Variants in NOD2 observed in about 807,000 individuals in gnomAD.
NOD2 encodes nucleotide-binding oligomerization domain-containing protein 2.
A neutral mutation model predicts 90.9 loss-of-function variants in NOD2; 86 were observed. The ratio of observed to expected loss-of-function variants is 0.95; its 90% CI spans 0.79 to 1.13. The LOEUF (loss-of-function observed/expected upper bound fraction) is 1.13, where lower values mean the gene tolerates loss of function less well. Ranked by LOEUF, NOD2 falls within the 50% of genes most tolerant of loss-of-function variation. The pLI, the probability that NOD2 is intolerant of heterozygous loss-of-function variation, is 0.00. For synonymous variants in NOD2, 581 were observed against 554.6 expected (o/e 1.05, Z -0.67); for missense variants, 1,238 against 1,283.8 (o/e 0.96, Z 0.55).
At chr16:50,705,539 G>A (rs62027635) in intron 2 of NOD2, among the ~76,000 whole-genome samples, 29,628 of 152,092 alleles carry the variant, frequency 0.19, 3,728 homozygotes, top group Non-Finnish European at 0.29. Context: ...TTTAGATCTC[G>A]CCTCCTGGGT....
At chr16:50,710,084 C>T (rs929646023) in intron 3 of NOD2, 53 of 451,270 alleles carry the variant, frequency 1.2e-4, no homozygotes, top group South Asian at 8.1e-4. Flanking sequence ...GAAAAAGTCA[C>T]CTGAGGCTGA....
At chr16:50,725,716 A>G in intron 10 of NOD2, 144 bp downstream of exon 10, 2 of 712,892 alleles carry the variant, frequency 2.8e-6, no homozygotes, top group Non-Finnish European at 2.6e-6. Flanking sequence ...TAGGTGGACA[A>G]GGATTCCAGT....
At chr16:50,730,412 C>G (rs1286709618) in intron 11 of NOD2, among the ~76,000 whole-genome samples, 1 of 152,190 alleles carries the variant, frequency 6.6e-6, no homozygotes, top group East Asian at 1.9e-4. Flanking sequence ...AATGACTAGC[C>G]TTGGGAGTCT....
intron 11 of NOD2, among the ~76,000 whole-genome samples, chr16:50,730,755 A>G (rs936115072): frequency 6.6e-6 from 1 of 152,352 alleles, no homozygotes; most frequent in Admixed American, 6.5e-5. Flanking sequence ...GGCTGACTGC[A>G]GATCCACCAA....
chr16:50,702,742 G>T (rs1272832118), intron 2 of NOD2, among the ~76,000 whole-genome samples: 1 of 152,070 alleles, frequency 6.6e-6, no homozygotes, highest in Non-Finnish European at 1.5e-5. Flanking sequence ...GCCTCACAAG[G>T]GTATAGTGTG....
chr16:50,699,759 G>C lies in NOD2; in HGVS notation c.264G>C (p.Gln88His). The change falls in exon 2 of 12, where the codon CAG (glutamine) becomes CAC (histidine). Residue 88 changes from glutamine (Q) to histidine (H), a missense_variant. By Grantham distance (24) the Gln-to-His change is conservative. Around this residue, in one of 3 missense-constraint regions of NOD2, gnomAD observed 567 missense variants for 577.3 expected, o/e 0.98. Coordinates refer to ENST00000647318, the MANE Select transcript of NOD2 (RefSeq NM_001370466.1). ...CCCAAGAAGCCCAGGCCGACAGCCA[G>C]TCCCCCAAGCTGCATGGCTGCTGGG... ...AAAQEAQADS[Q>H]SPKLHGCWDP... is the part of the protein sequence containing the mutation. 1.9e-6 allele frequency: 3 copies of C among 1,613,940 alleles called. No individual in the cohort carries two copies. The highest frequency in any genetic ancestry group is 2.5e-6 in the Non-Finnish European group (3 of 1,180,034).
In NOD2 at chr16:50,699,945, G is replaced by T. The variant is rs775281342; in HGVS notation, c.450G>T (p.Pro150=). ...CDEIRLPIFT[P]SQRARRLLDL... ...AAATCAGGTTGCCGATCTTCACACC[G>T]TCCCAGAGGGTGAGGCACTCCTGGT... The change falls in exon 2 of 12, where the codon CCG becomes CCT. Residue 150 remains proline, a synonymous_variant. Coordinates refer to ENST00000647318, the MANE Select transcript of NOD2 (RefSeq NM_001370466.1). 2 of 1,606,144 alleles carry T rather than the reference G, an allele frequency of 1.2e-6. No individual in the cohort carries two copies. Among genetic ancestry groups the T allele is most frequent in the African/African-American group, 2.7e-5 (2 of 74,900 alleles).
rs780243828 is a variant in NOD2 at position 50,712,159 on chromosome 16, C to G, written c.2167C>G (p.Gln723Glu). ...IWLIRSLYEM[Q>E]EERLARKAAR... ...GCTCATCCGGAGCCTGTACGAGATG[C>G]AGGAGGAGCGGCTGGCTCGGAAGGC... Residue 723 changes from glutamine (Q) to glutamate (E), a missense_variant, in exon 4 of 12, where the codon CAG (glutamine) becomes GAG (glutamate). Physicochemically the swap from Gln to Glu is conservative, Grantham distance 29. This residue lies in a region of NOD2 where 667 missense variants were observed against 688.7 expected (regional missense o/e 0.97). Transcript: ENST00000647318. The G allele has an allele frequency of 6.2e-7, 1 of 1,614,050 alleles. No homozygotes were observed.
At chr16:50,702,695 A>G (rs537172661) in intron 2 of NOD2, among the ~76,000 whole-genome samples, 3 of 152,342 alleles carry the variant, frequency 2.0e-5, no homozygotes, top group South Asian at 4.1e-4. Context: ...TGTGCCAGAC[A>G]CTGTACCCAG....
At position 50,711,952 on chromosome 16, in the gene NOD2, C is replaced by G; in HGVS notation, c.1960C>G (p.Leu654Val). The change falls in exon 4 of 12, where the codon CTG (leucine) becomes GTG (valine). Residue 654 changes from leucine to valine, a missense_variant. Transcript: ENST00000647318. Reference sequence around the variant, plus strand: ...GATCACAGCAGCCTTCCTGGCAGGGCTGTTGTCCCGGGAGCACTGGGGCCT... The same window carrying G: ...GATCACAGCAGCCTTCCTGGCAGGGGTGTTGTCCCGGGAGCACTGGGGCCT... ...LQITAAFLAGLLSREHWGLLA... is the reference protein window; with the variant it reads ...LQITAAFLAGVLSREHWGLLA... 2 of 1,612,836 alleles carry G rather than the reference C, an allele frequency of 1.2e-6. No homozygotes were observed. Among genetic ancestry groups the G allele is most frequent in the Non-Finnish European group, 1.7e-6 (2 of 1,179,368 alleles).
At chr16:50,707,126 G>C (rs1286508482) in intron 2 of NOD2, among the ~76,000 whole-genome samples, 1 of 152,224 alleles carries the variant, frequency 6.6e-6, no homozygotes, top group Non-Finnish European at 1.5e-5. Context: ...ATGTCTGTTA[G>C]AGGATTTGAA....
chr16:50,723,823 G>GCTCCA (rs1361799538), intron 9 of NOD2, among the ~76,000 whole-genome samples: 3 of 152,160 alleles, frequency 2.0e-5, no homozygotes, highest in Non-Finnish European at 4.4e-5. Flanking sequence ...TGGCATATTT[G>GCTCCA]TAAGTGCTCC....
chr16:50,716,924 A>G lies in NOD2; in HGVS notation c.2499A>G (p.Ala833=), dbSNP rs757978263. 1 of 1,614,256 alleles carries G rather than the reference A, an allele frequency of 6.2e-7. No homozygotes were observed. Among genetic ancestry groups the G allele is most frequent in the Non-Finnish European group, 8.5e-7 (1 of 1,180,046 alleles). Residue 833 remains alanine, a synonymous_variant, in exon 6 of 12, where the codon GCA becomes GCG. Coordinates refer to ENST00000647318, the MANE Select transcript of NOD2 (RefSeq NM_001370466.1). ...LFNNKLTDGC[A]HSMAKLLACR... is the part of the protein sequence containing the mutation. ...ACAACAAATTGACTGACGGCTGTGC[A>G]CACTCCATGGCTAAGCTCCTTGCAT...
Position 50,711,110 on chromosome 16 carries a change from C to T in NOD2, c.1118C>T (p.Pro373Leu), listed in dbSNP as rs779346494. ...GAACGCCACTGCTCCCCGACCGACCCCACCTCTGTCCAGACCCTGCTCTTC... is the reference window on the plus strand; with the variant it reads ...GAACGCCACTGCTCCCCGACCGACCTCACCTCTGTCCAGACCCTGCTCTTC... ...DRERHCSPTD[P>L]TSVQTLLFNL... is the part of the protein sequence containing the mutation. Residue 373 changes from proline (P) to leucine (L), a missense_variant, in exon 4 of 12, where the codon CCC (proline) becomes CTC (leucine). This residue lies in a region of NOD2 where 567 missense variants were observed against 577.3 expected (regional missense o/e 0.98). Transcript: ENST00000647318. 42 of 1,614,106 alleles carry T rather than the reference C, an allele frequency of 2.6e-5. No homozygotes were observed. In the African/African-American group the frequency reaches 5.3e-4, roughly 21 times the overall value.
intron 2 of NOD2, among the ~76,000 whole-genome samples, chr16:50,701,720 G>A (rs183940420): frequency 8.5e-5 from 13 of 152,302 alleles, no homozygotes; most frequent in Admixed American, 7.2e-4. Flanking sequence ...GAGAAGACAG[G>A]ATGTGAACAG....
rs114754685 is a variant in NOD2, at chr16:50,710,164, G to A, written c.566-394G>A. On this transcript the variant is annotated intron_variant, in intron 3 of 11. Transcript: ENST00000647318. The stretch of plus-strand genomic sequence containing the variant: ...ACAGATATCAGAATACAGGTCTTCC[G>A]ATCCCAGCCCAGAGCCCCTTCCCGT... 1.4e-3 allele frequency: 542 copies of A among 383,378 alleles called. 5 individuals carry two copies. Among genetic ancestry groups the A allele is most frequent in the African/African-American group, 0.01 (481 of 47,596 alleles). 23.7% of individuals were successfully genotyped at this position (383,378 alleles called of 1,614,324 possible).
chr16:50,706,652 A>G (rs1964205322), intron 2 of NOD2, among the ~76,000 whole-genome samples: 1 of 152,244 alleles, frequency 6.6e-6, no homozygotes, highest in South Asian at 2.1e-4. Flanking sequence ...CAGATTTCAA[A>G]GACTTAATAT....
intron 6 of NOD2, among the ~76,000 whole-genome samples, chr16:50,719,587 G>A (rs1365156866): frequency 6.6e-6 from 1 of 152,218 alleles, no homozygotes; most frequent in African/African-American, 2.4e-5. Context: ...TCTGGATCGA[G>A]GGCGGCTGAG....
chr16:50,713,415 A>C (rs1964630593), intron 4 of NOD2: 3 of 152,144 alleles, frequency 2.0e-5, no homozygotes, highest in African/African-American at 7.2e-5. Context: ...ACCCACTAGA[A>C]ACTGTGTAGT....
Sources: gnomAD v4.1 joint callset for allele counts (sites outside exome capture counted in the v4.1 genomes callset) on GRCh38, gnomAD v4.1.1 for gene constraint, gnomAD v4.1.1 regional missense constraint, MANE v1.5 for transcripts, NCBI Gene and HGNC (gene_info 2026-07-23, HGNC 2026-07-21) for gene names.